NTM: variants seen among roughly 807,000 people sequenced by gnomAD.
NTM encodes the protein IgLON family member 2.
NTM carries 13 observed loss-of-function variants against 42.1 expected under a neutral mutation model. That is an observed-to-expected ratio of 0.31 (90% confidence interval 0.20 to 0.49). The LOEUF (loss-of-function observed/expected upper bound fraction) is 0.49, where lower values mean the gene tolerates loss of function less well. Ranked by LOEUF, NTM falls within the 20% of genes least tolerant of loss-of-function variation. The pLI, the probability that NTM is intolerant of heterozygous loss-of-function variation, is 0.99. For synonymous variants in NTM, 187 were observed against 179.2 expected, an observed-to-expected ratio of 1.04 and a Z score of -0.35; for missense variants, 373 against 452.8, an observed-to-expected ratio of 0.82 and a Z score of 1.60.
intron 4 of NTM, among the ~76,000 whole-genome samples, chr11:132,282,646 T>C (rs1316803885): frequency 2.6e-5 from 4 of 152,192 alleles, no homozygotes; most frequent in Non-Finnish European, 5.9e-5. Flanking sequence ...AAATGTGGGA[T>C]GTTTCAACTC....
intron 1 of NTM, among the ~76,000 whole-genome samples, chr11:131,748,248 A>C (rs1291864814): frequency 6.6e-6 from 1 of 152,224 alleles, no homozygotes; most frequent in Admixed American, 6.5e-5. Flanking sequence ...CAGGTCATGT[A>C]TCATGTAGTA....
chr11:131,428,136 T>G (rs559949292), intron 1 of NTM, among the ~76,000 whole-genome samples: 2 of 152,330 alleles, frequency 1.3e-5, no homozygotes, highest in African/African-American at 4.8e-5. Context: ...AAACTCAGTA[T>G]GTAGAAAACG....
intron 1 of NTM, among the ~76,000 whole-genome samples, chr11:131,515,988 A>T (rs982373154): frequency 1.3e-5 from 2 of 152,242 alleles, no homozygotes; most frequent in Admixed American, 6.5e-5. Flanking sequence ...TAGAAAATAT[A>T]AACAACTTGC....
chr11:132,292,787 T>TAAAAAAAAAAAAAAAAAAAAAAAAA (rs61603794), intron 4 of NTM, among the ~76,000 whole-genome samples: 5 of 56,572 alleles, frequency 8.8e-5, no homozygotes, highest in African/African-American at 1.7e-4. Context: ...GATGTAAAAG[T>TAAAAAAAAAAAAAAAAAAAAAAAAA]AAAAAAAAAA....
At chr11:131,789,721 T>A (rs186762140) in intron 1 of NTM, among the ~76,000 whole-genome samples, 3 of 142,506 alleles carry the variant, frequency 2.1e-5, no homozygotes, top group Non-Finnish European at 4.7e-5. Flanking sequence ...CTTTGGGAGG[T>A]GGAGGCAGGC....
At chr11:131,902,296 C>T (rs977540094) in intron 1 of NTM, among the ~76,000 whole-genome samples, 2 of 152,210 alleles carry the variant, frequency 1.3e-5, no homozygotes, top group African/African-American at 4.8e-5. Flanking sequence ...TCAAGCCTTC[C>T]ACAAACAAAC....
At chr11:131,735,322 A>T (rs893202750) in intron 1 of NTM, among the ~76,000 whole-genome samples, 1 of 152,186 alleles carries the variant, frequency 6.6e-6, no homozygotes, top group Non-Finnish European at 1.5e-5. Flanking sequence ...ATGCTCGCTT[A>T]TAGGTTTTGA....
In NTM at chr11:132,311,308, T is replaced by TATC. The variant is rs1344401971; in HGVS notation, c.782+1079_782+1081dup. On this transcript the variant is annotated intron_variant, in intron 6 of 8. Coordinates refer to ENST00000683400, the MANE Select transcript of NTM (RefSeq NM_001352005.2). The stretch of plus-strand genomic sequence containing the variant: ...ATCAGTTTTAAGATTCACTGGGTTT[T>TATC]ATCATAATCCTCCCAAATGAAAAGC... Among the ~76,000 whole-genome samples the TATC allele has an allele frequency of 2.6e-5, 4 of 152,336 alleles. No individual in the cohort carries two copies. In the East Asian group the frequency reaches 7.7e-4, roughly 29 times the overall value.
intron 1 of NTM, among the ~76,000 whole-genome samples, chr11:131,745,029 T>C (rs2081637586): frequency 6.6e-6 from 1 of 152,216 alleles, no homozygotes; most frequent in Non-Finnish European, 1.5e-5. Flanking sequence ...CTGGAGCCGC[T>C]TGTGGTGTTT....
chr11:131,846,130 T>C (rs988081993), intron 1 of NTM, among the ~76,000 whole-genome samples: 1 of 152,222 alleles, frequency 6.6e-6, no homozygotes, highest in Non-Finnish European at 1.5e-5. Context: ...TTTATATATT[T>C]TCTTGTTTTC....
chr11:132,316,713 G>C (rs1179326803), intron 7 of NTM, among the ~76,000 whole-genome samples: 2 of 152,112 alleles, frequency 1.3e-5, no homozygotes, highest in Admixed American at 6.5e-5. Context: ...ATGCTGCCTG[G>C]GTAACATAAT....
intron 4 of NTM, among the ~76,000 whole-genome samples, chr11:132,281,441 C>T (rs888617259): frequency 3.3e-5 from 5 of 152,136 alleles, no homozygotes; most frequent in Admixed American, 1.3e-4. Flanking sequence ...TATGCATATA[C>T]GTATATGTTT....
chr11:131,667,099 G>A (rs1199117138), intron 1 of NTM, among the ~76,000 whole-genome samples: 1 of 152,198 alleles, frequency 6.6e-6, no homozygotes, highest in Non-Finnish European at 1.5e-5. Context: ...GGGTTTCAGG[G>A]CTGGCTTATT....
intron 2 of NTM, among the ~76,000 whole-genome samples, chr11:131,928,474 C>T (rs2058204039): frequency 1.3e-5 from 2 of 152,172 alleles, no homozygotes; most frequent in South Asian, 2.1e-4. Context: ...CTGTGGTCTC[C>T]CGTCTGTGTT....
chr11:132,067,988 G>A (rs907682582), intron 2 of NTM, among the ~76,000 whole-genome samples: 1 of 152,142 alleles, frequency 6.6e-6, no homozygotes, highest in Non-Finnish European at 1.5e-5. Flanking sequence ...ATGTGTCATA[G>A]GGATTCATAT....
At chr11:131,528,326 G>A (rs142096615) in intron 1 of NTM, among the ~76,000 whole-genome samples, 2,565 of 151,220 alleles carry the variant, frequency 0.017, 72 homozygotes, top group African/African-American at 0.058. Context: ...AAAATAACTG[G>A]CATTTATTAA....
chr11:131,911,239 C>A (rs1176515799), intron 1 of NTM: 2 of 1,404,018 alleles, frequency 1.4e-6, no homozygotes, highest in Non-Finnish European at 1.9e-6. Flanking sequence ...GAGGAGGGAG[C>A]CCCCTTTGGC....
At chr11:131,520,898 G>A (rs1449880983) in intron 1 of NTM, among the ~76,000 whole-genome samples, 2 of 152,112 alleles carry the variant, frequency 1.3e-5, no homozygotes, top group African/African-American at 4.8e-5. Flanking sequence ...TCATGATTTT[G>A]TGGGCTGTAC....
At chr11:131,690,626 C>T (rs1263103765) in intron 1 of NTM, among the ~76,000 whole-genome samples, 4 of 152,248 alleles carry the variant, frequency 2.6e-5, no homozygotes, top group Non-Finnish European at 4.4e-5. Flanking sequence ...CACTTCCCAT[C>T]TGCAAGGTGT....
Sources: allele counts gnomAD v4.1 joint callset (sites outside exome capture counted in the v4.1 genomes callset), GRCh38; gene constraint gnomAD v4.1.1; transcripts MANE v1.5; gene names NCBI Gene and HGNC (gene_info 2026-07-23, HGNC 2026-07-21).